Variants in SCAI observed in about 807,000 individuals in gnomAD.
SCAI encodes the protein protein SCAI.
Under a neutral mutation model 92.2 loss-of-function variants are expected in SCAI, and 24 were observed. The ratio of observed to expected loss-of-function variants is 0.26; its 90% confidence interval spans 0.19 to 0.37. The LOEUF (loss-of-function observed/expected upper bound fraction) is 0.37. SCAI is among the 10% of genes least tolerant of loss of function. SCAI has a pLI of 1.00. For synonymous variants in SCAI, 261 were observed against 258.6 expected, an observed-to-expected ratio of 1.01 and a Z score of -0.09; for missense variants, 450 against 736.2, an observed-to-expected ratio of 0.61 and a Z score of 4.50.
At chr9:125,008,625 AAAG>A in intron 9 of SCAI, among the ~76,000 whole-genome samples, 1 of 152,224 alleles carries the variant, frequency 6.6e-6, no homozygotes, top group Non-Finnish European at 1.5e-5. Context: ...GTGAAATGGA[AAAG>A]AAGTCAACAG....
At chr9:125,139,935 T>C (rs1835627082) in intron 2 of SCAI, among the ~76,000 whole-genome samples, 1 of 152,020 alleles carries the variant, frequency 6.6e-6, no homozygotes, top group Non-Finnish European at 1.5e-5. Flanking sequence ...TTAGAAAAAA[T>C]AAAAAGAAAG....
At chr9:125,086,104 T>C (rs145159787) in intron 2 of SCAI, among the ~76,000 whole-genome samples, 5 of 152,364 alleles carry the variant, frequency 3.3e-5, no homozygotes, top group African/African-American at 9.6e-5. Flanking sequence ...TTTTCTGAAC[T>C]CTTAAAATAC....
At chr9:125,011,605 C>G (rs569838240) in intron 9 of SCAI, among the ~76,000 whole-genome samples, 1 of 152,220 alleles carries the variant, frequency 6.6e-6, no homozygotes, top group Non-Finnish European at 1.5e-5. Context: ...TTGGAAAACA[C>G]TCTGCGGATA....
At chr9:125,076,329 T>C (rs934343459) in intron 2 of SCAI, among the ~76,000 whole-genome samples, 4 of 150,524 alleles carry the variant, frequency 2.7e-5, no homozygotes, top group South Asian at 2.1e-4. Flanking sequence ...TGAGACCCCA[T>C]TGCTACTAAA....
intron 2 of SCAI, among the ~76,000 whole-genome samples, chr9:125,056,428 G>T (rs1342341372): frequency 6.6e-6 from 1 of 152,120 alleles, no homozygotes; most frequent in African/African-American, 2.4e-5. Context: ...ACGTGCCATT[G>T]CACTCCAGCC....
intron 2 of SCAI, among the ~76,000 whole-genome samples, chr9:125,118,876 G>T (rs1835104664): frequency 6.6e-6 from 1 of 152,184 alleles, no homozygotes; most frequent in Non-Finnish European, 1.5e-5. Flanking sequence ...CAAAGGACAT[G>T]ATCTCACTCC....
intron 2 of SCAI, among the ~76,000 whole-genome samples, chr9:125,121,237 C>T (rs1835150091): frequency 1.3e-5 from 2 of 149,640 alleles, no homozygotes; most frequent in Admixed American, 6.8e-5. Flanking sequence ...GCTAAGCCAC[C>T]TGCATCCTGT....
chr9:124,984,967 G>A (rs556096476), intron 14 of SCAI, among the ~76,000 whole-genome samples: 1 of 152,274 alleles, frequency 6.6e-6, no homozygotes, highest in South Asian at 2.1e-4. Context: ...CAGAACTCTT[G>A]CCCTGAATCA....
At chr9:125,126,769 A>G (rs1232133438) in intron 2 of SCAI, among the ~76,000 whole-genome samples, 1 of 152,206 alleles carries the variant, frequency 6.6e-6, no homozygotes, top group Non-Finnish European at 1.5e-5. Context: ...AAATCAAATC[A>G]TTTTTGGATA....
intron 2 of SCAI, among the ~76,000 whole-genome samples, chr9:125,108,566 G>A (rs1417125405): frequency 4.4e-5 from 6 of 135,072 alleles, no homozygotes; most frequent in South Asian, 5.0e-4. Flanking sequence ...CAGCCGCCCC[G>A]TCTGAGAAGT....
At chr9:124,962,759 T>C (rs1303888804) in intron 17 of SCAI, among the ~76,000 whole-genome samples, 2 of 152,048 alleles carry the variant, frequency 1.3e-5, no homozygotes, top group Admixed American at 6.5e-5. Flanking sequence ...ACAAATACTT[T>C]GTATATTATA....
At chr9:125,069,507 A>G (rs1833935857) in intron 2 of SCAI, among the ~76,000 whole-genome samples, 1 of 149,160 alleles carries the variant, frequency 6.7e-6, no homozygotes. Context: ...TTTAGTAGAG[A>G]CGGGGTTTCA....
intron 13 of SCAI, among the ~76,000 whole-genome samples, chr9:124,996,825 T>C (rs1160283976): frequency 6.6e-6 from 1 of 151,626 alleles, no homozygotes; most frequent in African/African-American, 2.4e-5. Flanking sequence ...GAGATGGGAT[T>C]TCACCATGTT....
chr9:125,117,254 T>G (rs1835063699), intron 2 of SCAI, among the ~76,000 whole-genome samples: 2 of 152,328 alleles, frequency 1.3e-5, no homozygotes, highest in Middle Eastern at 3.4e-3. Context: ...TTCATTCTTA[T>G]TAGTCTTATA....
In SCAI at chr9:125,128,752, C is replaced by CA. The variant is rs879453478; in HGVS notation, c.98+13880dup. 4.2e-3 allele frequency among the ~76,000 whole-genome samples: 570 copies of CA among 136,092 alleles called. 7 individuals carry two copies. Among genetic ancestry groups the CA allele is most frequent in the Admixed American group, 0.024 (317 of 13,246 alleles). The allele number at this position is 136,092 out of a possible 152,430, so 89.3% of individuals were successfully genotyped here. A position where few individuals can be genotyped will look rare whatever the true frequency, so the allele number is the denominator to read the frequency against. The stretch of plus-strand genomic sequence containing the variant: ...TGGGCGACAGAGCGAAACTCCGTCT[C>CA]AAAAAAAAAAAATAAATAATTGAAT... On this transcript the variant is annotated intron_variant, in intron 2 of 17. Coordinates refer to ENST00000336505, the MANE Select transcript of SCAI (RefSeq NM_001144877.3).
chr9:125,042,634 T>TGTGTGTGTGTACACAC (rs761672178), intron 3 of SCAI, among the ~76,000 whole-genome samples: 4 of 96,192 alleles, frequency 4.2e-5, no homozygotes, highest in African/African-American at 1.6e-4. Flanking sequence ...TGTGTGTGTG[T>TGTGTGTGTGTACACAC]ACACACACAC....
intron 2 of SCAI, among the ~76,000 whole-genome samples, chr9:125,072,421 CAG>C (rs1032950191): frequency 2.4e-4 from 36 of 151,514 alleles, no homozygotes; most frequent in Admixed American, 1.7e-3. Flanking sequence ...AACAATGAAA[CAG>C]TGTTTAATAA....
rs1466372377 is a variant in SCAI, at chr9:124,945,113, C to T, written c.*7694G>A. On this transcript the variant is annotated 3_prime_UTR_variant, in exon 18 of 18. Transcript: ENST00000336505. ...TCCACCAAAATAGGAAATTGATACC[C>T]AATTTATAGTCTATGATGAAATTTA... 6.6e-6 allele frequency: 1 copy of T among 151,968 alleles called. No individual in the cohort carries two copies. Among genetic ancestry groups the T allele is most frequent in the African/African-American group, 2.4e-5 (1 of 41,334 alleles). 9.4% of individuals were successfully genotyped at this position (151,968 alleles called of 1,614,324 possible). A position where few individuals can be genotyped will look rare whatever the true frequency, so the allele number is the denominator to read the frequency against.
chr9:125,004,590 A>T (rs1193166986), intron 9 of SCAI, among the ~76,000 whole-genome samples: 2 of 150,472 alleles, frequency 1.3e-5, no homozygotes, highest in Non-Finnish European at 3.0e-5. Flanking sequence ...CAGCCTCCCA[A>T]AGTGCTAGGA....
Sources: allele counts gnomAD v4.1 joint callset (sites outside exome capture counted in the v4.1 genomes callset), GRCh38; gene constraint gnomAD v4.1.1; transcripts MANE v1.5; gene names NCBI Gene and HGNC (gene_info 2026-07-23, HGNC 2026-07-21).